The following STPG4 variants were observed in gnomAD, a reference collection of about 807,000 sequenced individuals.
STPG4 encodes the protein protein STPG4.
Under a neutral mutation model 31.5 loss-of-function variants are expected in STPG4, and 41 were observed. That is an observed-to-expected ratio of 1.30 (90% CI 1.01 to 1.69). STPG4 has a LOEUF of 1.69. STPG4 is among the 40% of genes most tolerant of loss of function. STPG4 has a pLI of 0.00. For missense variants in STPG4, 375 were observed against 293.4 expected, an observed-to-expected ratio of 1.28 and a Z score of -2.03; for synonymous variants, 141 against 103.0, an observed-to-expected ratio of 1.37 and a Z score of -2.24.
intron 5 of STPG4, chr2:47,129,590 C>CG (rs1686432244): frequency 9.0e-6 from 2 of 221,288 alleles, no homozygotes; most frequent in African/African-American, 4.7e-5. Flanking sequence ...AAAGTCCCCC[C>CG]GTCACGGCAT....
chr2:47,117,930 A>ATATATATATATT (rs1491090707), intron 5 of STPG4, among the ~76,000 whole-genome samples: 26 of 117,566 alleles, frequency 2.2e-4, no homozygotes, highest in African/African-American at 9.9e-4. Flanking sequence ...ATATATATAT[A>ATATATATATATT]TTTTTTTTTT....
chr2:47,119,284 T>G (rs1686214370), intron 5 of STPG4, among the ~76,000 whole-genome samples: 1 of 152,214 alleles, frequency 6.6e-6, no homozygotes, highest in Non-Finnish European at 1.5e-5. Context: ...TCTTTTTACT[T>G]TTTCAAAGGA....
At chr2:47,125,145 G>T (rs893430707) in intron 5 of STPG4, among the ~76,000 whole-genome samples, 1 of 152,094 alleles carries the variant, frequency 6.6e-6, no homozygotes, top group South Asian at 2.1e-4. Context: ...TTGAGGTTGG[G>T]CATGGTGGCT....
At chr2:47,154,461 T>C (rs1391932408) in intron 1 of STPG4, among the ~76,000 whole-genome samples, 2 of 152,262 alleles carry the variant, frequency 1.3e-5, no homozygotes, top group Non-Finnish European at 2.9e-5. Context: ...AGCTGCTGTT[T>C]TGTTTTGCCC....
At chr2:47,128,357 C>A (rs926318745) in intron 5 of STPG4, among the ~76,000 whole-genome samples, 1 of 152,198 alleles carries the variant, frequency 6.6e-6, no homozygotes, top group African/African-American at 2.4e-5. Context: ...TGCCCATGTT[C>A]ACTCAAGGCC....
chr2:47,106,004 A>G (rs1685902904), intron 5 of STPG4, among the ~76,000 whole-genome samples: 1 of 151,994 alleles, frequency 6.6e-6, no homozygotes, highest in Non-Finnish European at 1.5e-5. Flanking sequence ...GAACAGCAGC[A>G]TAAGCGGCTG....
At chr2:47,110,881 A>G (rs146539371) in intron 5 of STPG4, among the ~76,000 whole-genome samples, 2,186 of 152,338 alleles carry the variant, frequency 0.014, 58 homozygotes, top group African/African-American at 0.049. Flanking sequence ...GATACATAAT[A>G]TTCTTTTAAA....
intron 5 of STPG4, among the ~76,000 whole-genome samples, chr2:47,099,021 T>G (rs999210148): frequency 1.3e-5 from 2 of 152,194 alleles, no homozygotes; most frequent in Admixed American, 1.3e-4. Context: ...TGGCGATACC[T>G]CTGAAGTCTA....
intron 3 of STPG4, among the ~76,000 whole-genome samples, chr2:47,135,601 G>A (rs1686580478): frequency 6.6e-6 from 1 of 152,066 alleles, no homozygotes; most frequent in African/African-American, 2.4e-5. Context: ...TGGCCAGGCT[G>A]GTCTTGAACT....
chr2:47,119,832 G>T (rs1686231022), intron 5 of STPG4, among the ~76,000 whole-genome samples: 1 of 150,040 alleles, frequency 6.7e-6, no homozygotes, highest in South Asian at 2.1e-4. Flanking sequence ...CTCCGCAGTG[G>T]CTTGCAGGTA....
chr2:47,150,953 A>G (rs1397312446), intron 3 of STPG4, among the ~76,000 whole-genome samples: 1 of 152,124 alleles, frequency 6.6e-6, no homozygotes. Context: ...AAGAGATAAG[A>G]GCATAGCCCA....
chr2:47,146,204 C>A (rs1686815581), intron 3 of STPG4, among the ~76,000 whole-genome samples: 1 of 152,176 alleles, frequency 6.6e-6, no homozygotes, highest in African/African-American at 2.4e-5. Flanking sequence ...CACTATCATA[C>A]CGCTTTAACC....
At chr2:47,132,426 T>G (rs1334058664) in intron 3 of STPG4, among the ~76,000 whole-genome samples, 2 of 152,364 alleles carry the variant, frequency 1.3e-5, no homozygotes, top group Non-Finnish European at 2.9e-5. Context: ...AGTTCACTAC[T>G]ATATTTCACC....
rs531369195 is a variant in STPG4, at chr2:47,105,011, G to C, written c.520-14637C>G. Among the ~76,000 whole-genome samples the C allele has an allele frequency of 2.3e-4, 35 of 152,016 alleles. 1 individual carries two copies. The highest frequency in any genetic ancestry group is 8.0e-4 in the African/African-American group (33 of 41,352). On this transcript the variant is annotated intron_variant, in intron 5 of 6. Coordinates refer to ENST00000445927, the MANE Select transcript of STPG4 (RefSeq NM_001163561.2). ...ATCCCCGGATACAGTGAGATAGCCA[G>C]ACCCCTCTATACTCCAATCAAGGAA... is the stretch of plus-strand genomic sequence containing the variant.
intron 5 of STPG4, among the ~76,000 whole-genome samples, chr2:47,094,573 G>C (rs945011148): frequency 1.3e-5 from 2 of 152,170 alleles, no homozygotes; most frequent in East Asian, 1.9e-4. Flanking sequence ...AGTCCAGTGA[G>C]GGATATAGGC....
chr2:47,114,925 G>A (rs1264524715), intron 5 of STPG4, among the ~76,000 whole-genome samples: 1 of 151,982 alleles, frequency 6.6e-6, no homozygotes, highest in Non-Finnish European at 1.5e-5. Flanking sequence ...GCTCCACCAT[G>A]CCCAGCTAAT....
intron 3 of STPG4, among the ~76,000 whole-genome samples, chr2:47,138,950 G>A (rs2103791827): frequency 6.6e-6 from 1 of 152,342 alleles, no homozygotes; most frequent in South Asian, 2.1e-4. Flanking sequence ...CTCCCAATGT[G>A]CTGGGATTAC....
chr2:47,116,512 GT>G (rs1277203896), intron 5 of STPG4, among the ~76,000 whole-genome samples: 2 of 152,132 alleles, frequency 1.3e-5, no homozygotes, highest in Non-Finnish European at 2.9e-5. Flanking sequence ...TTTGTAGACG[GT>G]TTTACGGAAT....
intron 5 of STPG4, among the ~76,000 whole-genome samples, chr2:47,126,691 G>A (rs2881677): frequency 0.82 from 124,608 of 152,138 alleles, 52,902 homozygotes; most frequent in South Asian, 0.95. Context: ...TCCTTTTAGC[G>A]TTTCTTGTAG....
Sources: gnomAD v4.1 joint callset for allele counts (sites outside exome capture counted in the v4.1 genomes callset) on GRCh38, gnomAD v4.1.1 for gene constraint, MANE v1.5 for transcripts, NCBI Gene and HGNC (gene_info 2026-07-23, HGNC 2026-07-21) for gene names.